The following KATNAL2 variants were observed in gnomAD, a reference collection of about 807,000 sequenced individuals.
The protein encoded by KATNAL2 is katanin p60 ATPase-containing subunit A-like 2.
Under a neutral mutation model 76.3 loss-of-function variants are expected in KATNAL2, and 52 were observed. That is an observed-to-expected ratio of 0.68 (90% CI 0.55 to 0.86). The LOEUF is 0.86. Ranked by LOEUF, KATNAL2 falls within the 40% of genes least tolerant of loss-of-function variation. The probability of loss-of-function intolerance (pLI) is 0.00; values close to 1 mark genes in which losing one functional copy is unlikely to be tolerated. For missense variants in KATNAL2, 660 were observed against 668.9 expected (o/e 0.99, Z 0.15); for synonymous variants, 243 against 244.2 (o/e 1.00, Z 0.05).
intron 1 of KATNAL2, among the ~76,000 whole-genome samples, chr18:46,938,500 A>T (rs930821654): frequency 3.3e-5 from 5 of 152,220 alleles, no homozygotes; most frequent in African/African-American, 1.2e-4. Context: ...ATTATTCTCT[A>T]CACTTGTATG....
chr18:47,090,021 C>G (rs2062931864), intron 15 of KATNAL2, among the ~76,000 whole-genome samples: 4 of 152,224 alleles, frequency 2.6e-5, no homozygotes, highest in Non-Finnish European at 1.5e-5. Context: ...CTCCTGGACT[C>G]AAGTGATCCA....
At chr18:47,038,107 CT>C (rs2060842755) in intron 3 of KATNAL2, among the ~76,000 whole-genome samples, 1 of 152,154 alleles carries the variant, frequency 6.6e-6, no homozygotes, top group Admixed American at 6.5e-5. Context: ...AGTGGAAATT[CT>C]TTTGATTGGA....
At chr18:47,042,303 A>C (rs1424285650) in intron 3 of KATNAL2, among the ~76,000 whole-genome samples, 3 of 152,232 alleles carry the variant, frequency 2.0e-5, no homozygotes, top group Non-Finnish European at 4.4e-5. Context: ...AAAATCGATC[A>C]AACAAGTAGT....
At chr18:47,040,648 T>C (rs2060931091) in intron 3 of KATNAL2, among the ~76,000 whole-genome samples, 1 of 152,174 alleles carries the variant, frequency 6.6e-6, no homozygotes, top group South Asian at 2.1e-4. Context: ...ACTTAAAAAG[T>C]ATAGGCTGGG....
intron 3 of KATNAL2, chr18:47,033,705 AG>A (rs757948396): frequency 3.7e-6 from 6 of 1,614,082 alleles, no homozygotes; most frequent in Admixed American, 1.7e-5. Context: ...GCTGGCAGGC[AG>A]GCCTGGAGCC....
At chr18:46,942,618 T>TCAAA (rs150535211) in intron 1 of KATNAL2, among the ~76,000 whole-genome samples, 99 of 152,158 alleles carry the variant, frequency 6.5e-4, no homozygotes, top group Middle Eastern at 3.4e-3. Context: ...AGACTCCATC[T>TCAAA]CAAACAAACA....
chr18:47,043,684 GGTGA>G (rs2061050459), intron 3 of KATNAL2, among the ~76,000 whole-genome samples: 1 of 152,154 alleles, frequency 6.6e-6, no homozygotes, highest in Non-Finnish European at 1.5e-5. Context: ...GGAAGCAAGA[GGTGA>G]GTGAGTAGAA....
intron 1 of KATNAL2, among the ~76,000 whole-genome samples, chr18:46,924,401 T>C (rs2058666936): frequency 1.3e-5 from 2 of 152,308 alleles, no homozygotes; most frequent in Admixed American, 6.5e-5. Context: ...TGCAGCATTA[T>C]TTCTGAGGGC....
chr18:47,047,565 T>G (rs921962892), intron 4 of KATNAL2, among the ~76,000 whole-genome samples: 1 of 152,096 alleles, frequency 6.6e-6, no homozygotes, highest in African/African-American at 2.4e-5. Flanking sequence ...CACAAGCAAT[T>G]ACAGTAAGGG....
At chr18:47,037,424 C>T (rs1429318302) in intron 3 of KATNAL2, among the ~76,000 whole-genome samples, 1 of 152,248 alleles carries the variant, frequency 6.6e-6, no homozygotes, top group East Asian at 1.9e-4. Context: ...CACTTCTGGG[C>T]CTCCTTTCTT....
At chr18:47,061,028 ATCC>A (rs1170208887) in intron 8 of KATNAL2, among the ~76,000 whole-genome samples, 1 of 152,172 alleles carries the variant, frequency 6.6e-6, no homozygotes, top group Non-Finnish European at 1.5e-5. Flanking sequence ...CTGACTATAA[ATCC>A]TCTTACCAGC....
At chr18:47,090,958 C>T (rs900437255) in intron 15 of KATNAL2, among the ~76,000 whole-genome samples, 5 of 152,202 alleles carry the variant, frequency 3.3e-5, no homozygotes, top group African/African-American at 9.6e-5. Flanking sequence ...CCTGACCACT[C>T]ACTTCATGGT....
At chr18:46,942,689 C>T (rs2059280871) in intron 1 of KATNAL2, among the ~76,000 whole-genome samples, 1 of 152,144 alleles carries the variant, frequency 6.6e-6, no homozygotes, top group Non-Finnish European at 1.5e-5. Context: ...TCATTATGCT[C>T]ATAGTTTTCC....
intron 1 of KATNAL2, among the ~76,000 whole-genome samples, chr18:46,928,022 T>C (rs1274068879): frequency 1.3e-5 from 2 of 152,196 alleles, no homozygotes; most frequent in Non-Finnish European, 2.9e-5. Flanking sequence ...TCTTTGCCAT[T>C]GGTTCGAATT....
chr18:47,041,311 A>C (rs937628144), intron 3 of KATNAL2, among the ~76,000 whole-genome samples: 2 of 152,212 alleles, frequency 1.3e-5, no homozygotes, highest in Non-Finnish European at 2.9e-5. Context: ...ATAATCTATC[A>C]TATAGAATGG....
chr18:46,957,216 A>G (rs1299030449), intron 3 of KATNAL2, among the ~76,000 whole-genome samples: 4 of 148,448 alleles, frequency 2.7e-5, no homozygotes, highest in African/African-American at 9.9e-5. Context: ...TAACGTTTGA[A>G]TCAGTAGATT....
At chr18:47,065,880 G>C (rs2061775656) in intron 10 of KATNAL2, among the ~76,000 whole-genome samples, 2 of 152,078 alleles carry the variant, frequency 1.3e-5, no homozygotes, top group Non-Finnish European at 2.9e-5. Flanking sequence ...TGGGAGGATT[G>C]CTTGAGCCCG....
At chr18:47,100,426 C>A (rs1485321307) in intron 17 of KATNAL2, 70 bp downstream of exon 17, 3 of 1,269,132 alleles carry the variant, frequency 2.4e-6, no homozygotes, top group Non-Finnish European at 3.4e-6. Context: ...GCAGATGGAG[C>A]CTGGCGCCTG....
intron 1 of KATNAL2, among the ~76,000 whole-genome samples, chr18:46,936,154 CTG>C (rs2059084552): frequency 6.6e-6 from 1 of 152,144 alleles, no homozygotes; most frequent in Non-Finnish European, 1.5e-5. Context: ...ATCTCAGTAA[CTG>C]AGCCCCAAAA....
Sources: allele counts gnomAD v4.1 joint callset (sites outside exome capture counted in the v4.1 genomes callset), GRCh38; gene constraint gnomAD v4.1.1; transcripts MANE v1.5; gene names NCBI Gene and HGNC (gene_info 2026-07-23, HGNC 2026-07-21).